Variants in LGR5 observed in about 807,000 individuals in gnomAD.
The protein encoded by LGR5 is leucine-rich repeat-containing G protein-coupled receptor 5.
A neutral mutation model predicts 76.7 loss-of-function variants in LGR5; 54 were observed. The observed-to-expected ratio is 0.70, with a 90% CI of 0.57 to 0.88. The LOEUF is 0.88. Among genes scored for constraint, LGR5 ranks in the 40% least tolerant of loss-of-function variants. The pLI is 0.00. For synonymous variants in LGR5, 406 were observed against 421.9 expected, an observed-to-expected ratio of 0.96 and a Z score of 0.46; for missense variants, 1,078 against 1,073.3, an observed-to-expected ratio of 1.00 and a Z score of -0.06.
chr12:71,535,059 A>C, intron 3 of LGR5, 56 bp from the exon 4 acceptor site: 59 of 1,153,080 alleles, frequency 5.1e-5, no homozygotes, highest in Non-Finnish European at 6.6e-5. Flanking sequence ...GGCCTTGTTT[A>C]GGCCTGTTAT....
intron 1 of LGR5, among the ~76,000 whole-genome samples, chr12:71,466,352 G>T (rs1291208518): frequency 1.3e-5 from 2 of 152,096 alleles, no homozygotes; most frequent in African/African-American, 4.8e-5. Flanking sequence ...TTATTAAATG[G>T]AGTTCAAACA....
intron 8 of LGR5, among the ~76,000 whole-genome samples, chr12:71,564,555 C>T (rs1878214873): frequency 1.2e-5 from 1 of 83,216 alleles, no homozygotes; most frequent in African/African-American, 4.8e-5. Flanking sequence ...CGTATCTGTA[C>T]ACACGCACCG....
intron 1 of LGR5, 29 bp from the exon 2 acceptor site, chr12:71,504,585 C>T (rs1181692282): frequency 6.9e-6 from 11 of 1,591,820 alleles, no homozygotes; most frequent in Non-Finnish European, 9.5e-6. Flanking sequence ...ATTTGCTGCT[C>T]CTCACACGCT....
At chr12:71,536,940 A>C (rs910089632) in intron 4 of LGR5, among the ~76,000 whole-genome samples, 1 of 152,204 alleles carries the variant, frequency 6.6e-6, no homozygotes, top group African/African-American at 2.4e-5. Flanking sequence ...CCCTGTGAAA[A>C]GGTCAAGGGT....
Position 71,566,495 on chromosome 12 carries a change from A to T in LGR5, c.929+20A>T. On this transcript the variant is annotated intron_variant, in intron 9 of 17. Transcript: ENST00000266674. Reference sequence around the variant, plus strand: ...AACACTGTAAGTTTCTATGTCTCTTATGGATCACTTTCCCTCTACAGGGTT... The same window carrying T: ...AACACTGTAAGTTTCTATGTCTCTTTTGGATCACTTTCCCTCTACAGGGTT... The T allele has an allele frequency of 6.3e-7, 1 of 1,575,570 alleles. No homozygotes were observed. The highest frequency in any genetic ancestry group is 8.7e-7 in the Non-Finnish European group (1 of 1,145,502).
chr12:71,460,233 C>A (rs1872635869), intron 1 of LGR5, among the ~76,000 whole-genome samples: 1 of 151,852 alleles, frequency 6.6e-6, no homozygotes, highest in Non-Finnish European at 1.5e-5. Context: ...GAACATGAGA[C>A]AACAGTGACT....
chr12:71,503,429 G>A (rs1310122605), intron 1 of LGR5, among the ~76,000 whole-genome samples: 1 of 152,120 alleles, frequency 6.6e-6, no homozygotes, highest in African/African-American at 2.4e-5. Flanking sequence ...TGGGGGTGGT[G>A]CCATACTCTG....
chr12:71,485,522 G>C (rs1873786672), intron 1 of LGR5, among the ~76,000 whole-genome samples: 2 of 152,020 alleles, frequency 1.3e-5, no homozygotes, highest in African/African-American at 4.8e-5. Context: ...TTCAAGACTA[G>C]ACTGGGCAAC....
chr12:71,465,051 G>T (rs1183020639), intron 1 of LGR5, among the ~76,000 whole-genome samples: 2 of 152,116 alleles, frequency 1.3e-5, no homozygotes, highest in Admixed American at 1.3e-4. Context: ...CATACCTTCA[G>T]ACCGACCAGT....
intron 1 of LGR5, among the ~76,000 whole-genome samples, chr12:71,441,290 C>T (rs1871756154): frequency 6.6e-6 from 1 of 152,186 alleles, no homozygotes; most frequent in African/African-American, 2.4e-5. Flanking sequence ...CTACTCTCTC[C>T]ACCCCCGTGC....
chr12:71,566,526 G>GA (rs768224247), intron 9 of LGR5, 51 bp downstream of exon 9: 2 of 1,544,454 alleles, frequency 1.3e-6, no homozygotes, highest in Non-Finnish European at 8.9e-7. Context: ...GGGTTGCTGT[G>GA]AAAAACCAAA....
At chr12:71,525,329 A>C (rs938108500) in intron 3 of LGR5, among the ~76,000 whole-genome samples, 1 of 152,158 alleles carries the variant, frequency 6.6e-6, no homozygotes, top group Non-Finnish European at 1.5e-5. Context: ...GAAATTCAAC[A>C]GCAGAACCGT....
chr12:71,539,824 A>G (rs1876786071), intron 4 of LGR5, among the ~76,000 whole-genome samples: 1 of 152,164 alleles, frequency 6.6e-6, no homozygotes, highest in South Asian at 2.1e-4. Context: ...TTGCTGGGCT[A>G]AGGAATAAGA....
chr12:71,442,854 A>T (rs79351985), intron 1 of LGR5, among the ~76,000 whole-genome samples: 1 of 152,214 alleles, frequency 6.6e-6, no homozygotes, highest in Non-Finnish European at 1.5e-5. Flanking sequence ...TGATTTATTC[A>T]TATTCAAATA....
intron 13 of LGR5, among the ~76,000 whole-genome samples, chr12:71,574,949 T>G (rs116568590): frequency 7.9e-4 from 121 of 152,318 alleles, no homozygotes; most frequent in African/African-American, 2.8e-3. Context: ...TCCCATAAAT[T>G]AAAATTTCAG....
intron 1 of LGR5, among the ~76,000 whole-genome samples, chr12:71,474,273 C>A (rs1046124490): frequency 6.6e-6 from 1 of 152,146 alleles, no homozygotes; most frequent in African/African-American, 2.4e-5. Context: ...TATCTATCAC[C>A]ATTTGGTGTG....
intron 1 of LGR5, among the ~76,000 whole-genome samples, chr12:71,482,175 A>G (rs1227322366): frequency 1.3e-5 from 2 of 152,212 alleles, no homozygotes; most frequent in Admixed American, 6.5e-5. Context: ...CATGTGTACC[A>G]GTCCAGTGAT....
At chr12:71,503,251 C>T (rs1565699574) in intron 1 of LGR5, among the ~76,000 whole-genome samples, 2 of 152,082 alleles carry the variant, frequency 1.3e-5, no homozygotes, top group Non-Finnish European at 2.9e-5. Context: ...AATTACTTGA[C>T]TTTTTTATCT....
chr12:71,457,106 A>T (rs1166126555), intron 1 of LGR5, among the ~76,000 whole-genome samples: 1 of 152,132 alleles, frequency 6.6e-6, no homozygotes, highest in Non-Finnish European at 1.5e-5. Flanking sequence ...CAATTAAGGA[A>T]ATATGTAAAT....
Sources: allele counts gnomAD v4.1 joint callset (sites outside exome capture counted in the v4.1 genomes callset), GRCh38; gene constraint gnomAD v4.1.1; transcripts MANE v1.5; gene names NCBI Gene and HGNC (gene_info 2026-07-23, HGNC 2026-07-21).